The following KIF18A variants were observed in gnomAD, a reference collection of about 807,000 sequenced individuals.
KIF18A encodes kinesin-like protein KIF18A.
Under a neutral mutation model 103.3 loss-of-function variants are expected in KIF18A, and 67 were observed. The observed-to-expected ratio is 0.65, with a 90% confidence interval of 0.53 to 0.79. KIF18A has a LOEUF of 0.79. Ranked by LOEUF, KIF18A falls within the 30% of genes least tolerant of loss-of-function variation. The probability of loss-of-function intolerance (pLI) is 0.00; values close to 1 mark genes in which losing one functional copy is unlikely to be tolerated. For synonymous variants in KIF18A, 367 were observed against 355.5 expected, an observed-to-expected ratio of 1.03 and a Z score of -0.36; for missense variants, 1,032 against 1,062.5, an observed-to-expected ratio of 0.97 and a Z score of 0.40.
At chr11:28,052,424 A>T (rs1850722944) in intron 13 of KIF18A, among the ~76,000 whole-genome samples, 1 of 152,080 alleles carries the variant, frequency 6.6e-6, no homozygotes, top group South Asian at 2.1e-4. Flanking sequence ...CCAGTTATAT[A>T]TCCTCACCAG....
chr11:28,025,006 CAAT>C (rs1300301507), intron 15 of KIF18A, among the ~76,000 whole-genome samples: 16 of 151,936 alleles, frequency 1.1e-4, no homozygotes, highest in Non-Finnish European at 1.8e-4. Context: ...AAGAGATTAA[CAAT>C]AATAATAAAA....
intron 13 of KIF18A, among the ~76,000 whole-genome samples, chr11:28,043,586 T>C (rs1850588229): frequency 6.6e-6 from 1 of 151,760 alleles, no homozygotes; most frequent in Non-Finnish European, 1.5e-5. Context: ...CATCCACAAT[T>C]ACACTGATAT....
intron 15 of KIF18A, among the ~76,000 whole-genome samples, chr11:28,032,929 CCA>C (rs1170046864): frequency 6.6e-6 from 1 of 151,660 alleles, no homozygotes; most frequent in African/African-American, 2.4e-5. Context: ...AAGAGACAAC[CCA>C]CAGAATTACA....
intron 10 of KIF18A, among the ~76,000 whole-genome samples, chr11:28,073,018 CA>C (rs1393378525): frequency 6.6e-6 from 1 of 152,052 alleles, no homozygotes; most frequent in Non-Finnish European, 1.5e-5. Flanking sequence ...ATTTTGGCTA[CA>C]AAAATAGATT....
At chr11:28,075,257 A>G (rs543566523) in intron 10 of KIF18A, among the ~76,000 whole-genome samples, 24 of 152,276 alleles carry the variant, frequency 1.6e-4, no homozygotes, top group Non-Finnish European at 2.9e-4. Context: ...CAGCTCATGT[A>G]AAAAAGCATA....
At chr11:28,043,888 C>T (rs537086401) in intron 13 of KIF18A, among the ~76,000 whole-genome samples, 19 of 144,480 alleles carry the variant, frequency 1.3e-4, no homozygotes, top group African/African-American at 4.6e-4. Flanking sequence ...TAAATATAAT[C>T]CTGCTCTGTA....
At chr11:28,061,400 TGA>T (rs1194910793) in intron 12 of KIF18A, among the ~76,000 whole-genome samples, 1 of 152,154 alleles carries the variant, frequency 6.6e-6, no homozygotes, top group African/African-American at 2.4e-5. Flanking sequence ...TCTAAATTGT[TGA>T]GTTAGTCTTT....
At chr11:28,065,500 A>G (rs895181622) in intron 11 of KIF18A, among the ~76,000 whole-genome samples, 8 of 152,128 alleles carry the variant, frequency 5.3e-5, no homozygotes, top group East Asian at 1.9e-4. Context: ...AGAGAAATCT[A>G]GAAGACAGAT....
chr11:28,091,413 T>C lies in KIF18A; in HGVS notation c.584A>G (p.His195Arg), dbSNP rs752315627. The change falls in exon 4 of 17, where the codon CAC becomes CGC. Residue 195 changes from histidine to arginine, a missense_variant. His to Arg is a conservative substitution (Grantham distance 29). Coordinates refer to ENST00000263181, the MANE Select transcript of KIF18A (RefSeq NM_031217.4). The part of the protein sequence containing the change: ...KGVVVHGLTL[H>R]QPKSSEEILH... ...AAAAGATGTTTATATACATACCTGGTGTAAAGTAAGTCCATGAACGACCAC... is the reference window on the plus strand; with the variant it reads ...AAAAGATGTTTATATACATACCTGGCGTAAAGTAAGTCCATGAACGACCAC... The C allele has an allele frequency of 6.4e-7, 1 of 1,552,996 alleles. No individual in the cohort carries two copies. Among genetic ancestry groups the C allele is most frequent in the African/African-American group, 1.4e-5 (1 of 73,520 alleles).
chr11:28,070,863 A>G (rs1851003743), intron 10 of KIF18A, among the ~76,000 whole-genome samples: 1 of 152,174 alleles, frequency 6.6e-6, no homozygotes, highest in Non-Finnish European at 1.5e-5. Context: ...CAACATAGAG[A>G]GACCGTGTCT....
intron 9 of KIF18A, among the ~76,000 whole-genome samples, chr11:28,082,349 C>G (rs1271686965): frequency 6.6e-6 from 1 of 151,988 alleles, no homozygotes; most frequent in Non-Finnish European, 1.5e-5. Flanking sequence ...TCATTGTTGC[C>G]TTATTTTCAG....
At chr11:28,084,556 T>A in intron 7 of KIF18A, 76 bp downstream of exon 7, 1 of 1,237,776 alleles carries the variant, frequency 8.1e-7, no homozygotes, top group Non-Finnish European at 1.1e-6. Flanking sequence ...ATAACCTGAA[T>A]TAATACTTTC....
chr11:28,057,121 C>A (rs1390845511), intron 13 of KIF18A, among the ~76,000 whole-genome samples: 1 of 151,914 alleles, frequency 6.6e-6, no homozygotes, highest in Admixed American at 6.6e-5. Context: ...GCCCCTCAAA[C>A]CCATAACAAA....
chr11:28,074,265 A>G (rs913756186), intron 10 of KIF18A, among the ~76,000 whole-genome samples: 2 of 152,156 alleles, frequency 1.3e-5, no homozygotes, highest in Non-Finnish European at 2.9e-5. Context: ...CTGTTCAGCA[A>G]CCATATGAAA....
chr11:28,082,834 T>G, intron 9 of KIF18A, 22 bp downstream of exon 9: 1 of 1,383,524 alleles, frequency 7.2e-7, no homozygotes, highest in East Asian at 2.3e-5. Flanking sequence ...TCCTCAAAAT[T>G]AGATCTTAAT....
intron 13 of KIF18A, among the ~76,000 whole-genome samples, chr11:28,039,098 A>G (rs1850528547): frequency 6.6e-6 from 1 of 151,690 alleles, no homozygotes; most frequent in Admixed American, 6.6e-5. Context: ...AACTCACTTA[A>G]GCAGTGTGGG....
chr11:28,053,282 TTTTTG>T (rs1164741359), intron 13 of KIF18A, among the ~76,000 whole-genome samples: 1 of 152,158 alleles, frequency 6.6e-6, no homozygotes, highest in Non-Finnish European at 1.5e-5. Context: ...GATCTACTTT[TTTTTG>T]TTTTGTTTTT....
At chr11:28,040,159 T>C (rs959935674) in intron 13 of KIF18A, among the ~76,000 whole-genome samples, 2 of 151,804 alleles carry the variant, frequency 1.3e-5, no homozygotes, top group South Asian at 2.1e-4. Context: ...ATAAATACAA[T>C]TACATAACAA....
At chr11:28,021,983 G>A (rs942986253) in intron 16 of KIF18A, among the ~76,000 whole-genome samples, 8 of 152,084 alleles carry the variant, frequency 5.3e-5, no homozygotes, top group African/African-American at 1.9e-4. Flanking sequence ...TAAGTTAACA[G>A]GAGTTGCCTT....
Sources: allele counts gnomAD v4.1 joint callset (sites outside exome capture counted in the v4.1 genomes callset), GRCh38; gene constraint gnomAD v4.1.1; transcripts MANE v1.5; gene names NCBI Gene and HGNC (gene_info 2026-07-23, HGNC 2026-07-21).